Variants in TMEM196 observed in about 807,000 individuals in gnomAD.
TMEM196 encodes the protein transmembrane protein 196.
Under a neutral mutation model 20.0 loss-of-function variants are expected in TMEM196, and 17 were observed. That is an observed-to-expected ratio of 0.85 (90% CI 0.58 to 1.27). TMEM196 has a LOEUF of 1.27. TMEM196 is among the 50% of genes most tolerant of loss of function. The pLI is 0.00. For synonymous variants in TMEM196, 113 were observed against 88.9 expected (o/e 1.27, Z -1.52); for missense variants, 267 against 223.0 (o/e 1.20, Z -1.26).
intron 1 of TMEM196, among the ~76,000 whole-genome samples, chr7:19,747,971 A>C (rs1467273424): frequency 6.6e-6 from 1 of 152,204 alleles, no homozygotes; most frequent in Non-Finnish European, 1.5e-5. Flanking sequence ...ATTAATTAAC[A>C]ACTAAAATAT....
At chr7:19,758,684 G>A (rs1785312184) in intron 1 of TMEM196, among the ~76,000 whole-genome samples, 1 of 152,206 alleles carries the variant, frequency 6.6e-6, no homozygotes, top group African/African-American at 2.4e-5. Context: ...AATAGGAAGA[G>A]AAAACATTTT....
chr7:19,748,399 A>G (rs1206194287), intron 1 of TMEM196, among the ~76,000 whole-genome samples: 2 of 152,192 alleles, frequency 1.3e-5, no homozygotes, highest in East Asian at 3.9e-4. Context: ...ACAATAATCG[A>G]GGAACTTTAA....
intron 1 of TMEM196, among the ~76,000 whole-genome samples, chr7:19,754,823 C>A (rs961169815): frequency 2.0e-5 from 3 of 152,186 alleles, no homozygotes; most frequent in African/African-American, 7.2e-5. Flanking sequence ...GAATCTCTCC[C>A]AGCTCTGACA....
At chr7:19,758,765 T>C (rs1785314635) in intron 1 of TMEM196, among the ~76,000 whole-genome samples, 1 of 152,074 alleles carries the variant, frequency 6.6e-6, no homozygotes, top group African/African-American at 2.4e-5. Flanking sequence ...ACTGCTAGAG[T>C]CTCAGGCTAC....
intron 1 of TMEM196, among the ~76,000 whole-genome samples, chr7:19,756,287 A>G (rs553394955): frequency 3.3e-5 from 5 of 151,502 alleles, no homozygotes; most frequent in Non-Finnish European, 7.4e-5. Context: ...GACTTGAGAC[A>G]TTTTACATTC....
chr7:19,746,111 G>A (rs1202369472), intron 1 of TMEM196, among the ~76,000 whole-genome samples: 4 of 152,182 alleles, frequency 2.6e-5, no homozygotes, highest in African/African-American at 7.2e-5. Flanking sequence ...AGTCTAAAAC[G>A]TTACCTATTA....
In TMEM196 at chr7:19,721,296, C is replaced by A. The variant is rs914051310; in HGVS notation, c.*832G>T. 1 of 151,880 alleles carries A rather than the reference C, an allele frequency of 6.6e-6. No homozygotes were observed. The allele number at this position is 151,880 out of a possible 1,614,324, so 9.4% of individuals were successfully genotyped here. A position where few individuals can be genotyped will look rare whatever the true frequency, so the allele number is the denominator to read the frequency against. On this transcript the variant is annotated 3_prime_UTR_variant, in exon 5 of 5. Transcript: ENST00000405844. ...TTCTTTTCTAATACCTATTTACATT[C>A]ATGTATGCTATAATATATGCTGTAT...
intron 1 of TMEM196, among the ~76,000 whole-genome samples, chr7:19,737,613 T>A (rs1432071492): frequency 6.6e-6 from 1 of 151,850 alleles, no homozygotes; most frequent in African/African-American, 2.4e-5. Context: ...CTCAAAGACA[T>A]GGGTAGAATG....
At chr7:19,748,084 C>T (rs1316960041) in intron 1 of TMEM196, among the ~76,000 whole-genome samples, 1 of 151,712 alleles carries the variant, frequency 6.6e-6, no homozygotes, top group African/African-American at 2.4e-5. Context: ...CTCTCCCATG[C>T]ATATTTATTT....
intron 1 of TMEM196, among the ~76,000 whole-genome samples, chr7:19,755,912 C>T (rs537220853): frequency 6.6e-6 from 1 of 152,050 alleles, no homozygotes; most frequent in Admixed American, 6.5e-5. Context: ...GCCTGTAATC[C>T]CAGCTACTCA....
chr7:19,727,796 C>A (rs750176390), intron 2 of TMEM196, among the ~76,000 whole-genome samples: 3 of 152,118 alleles, frequency 2.0e-5, no homozygotes, highest in Non-Finnish European at 4.4e-5. Flanking sequence ...AGGCATGACA[C>A]CTCATTAACA....
intron 1 of TMEM196, among the ~76,000 whole-genome samples, chr7:19,758,730 A>C (rs1317468481): frequency 6.6e-6 from 1 of 152,184 alleles, no homozygotes; most frequent in South Asian, 2.1e-4. Context: ...TCAGAATTCT[A>C]TCCCTTCTTT....
At chr7:19,736,625 C>T (rs117242870) in intron 1 of TMEM196, among the ~76,000 whole-genome samples, 3,847 of 151,594 alleles carry the variant, frequency 0.025, 80 homozygotes, top group South Asian at 0.068. Context: ...GAATCACATG[C>T]AGTGTTTTCA....
chr7:19,762,385 T>C (rs1785468610), intron 1 of TMEM196, among the ~76,000 whole-genome samples: 1 of 152,120 alleles, frequency 6.6e-6, no homozygotes, highest in African/African-American at 2.4e-5. Flanking sequence ...AAAAGGAATG[T>C]GATTAATATT....
At chr7:19,761,592 A>C (rs1785438057) in intron 1 of TMEM196, among the ~76,000 whole-genome samples, 1 of 152,222 alleles carries the variant, frequency 6.6e-6, no homozygotes, top group Non-Finnish European at 1.5e-5. Context: ...GTGAGATAAG[A>C]TGCAACTATA....
intron 1 of TMEM196, among the ~76,000 whole-genome samples, chr7:19,732,108 A>G (rs1784224559): frequency 6.6e-6 from 1 of 152,200 alleles, no homozygotes; most frequent in Non-Finnish European, 1.5e-5. Context: ...ATTTACCACA[A>G]GTCATAATAC....
chr7:19,749,802 A>G (rs1784893969), intron 1 of TMEM196, among the ~76,000 whole-genome samples: 1 of 152,090 alleles, frequency 6.6e-6, no homozygotes, highest in African/African-American at 2.4e-5. Flanking sequence ...TCTCCTACGT[A>G]TTGAGGCTAA....
chr7:19,729,234 A>G (rs963156145), intron 2 of TMEM196, 148 bp downstream of exon 2: 1 of 585,868 alleles, frequency 1.7e-6, no homozygotes, highest in African/African-American at 2.0e-5. Context: ...TTGAAAACAG[A>G]AAAGGCAGGA....
At chr7:19,746,792 G>T (rs1367789695) in intron 1 of TMEM196, among the ~76,000 whole-genome samples, 5 of 152,162 alleles carry the variant, frequency 3.3e-5, no homozygotes, top group African/African-American at 4.8e-5. Flanking sequence ...TAATTGATTT[G>T]TATATTTTAT....
Sources: gnomAD v4.1 joint callset for allele counts (sites outside exome capture counted in the v4.1 genomes callset) on GRCh38, gnomAD v4.1.1 for gene constraint, MANE v1.5 for transcripts, NCBI Gene and HGNC (gene_info 2026-07-23, HGNC 2026-07-21) for gene names.